The following STAG1 variants were observed in gnomAD, a reference collection of about 807,000 sequenced individuals.
STAG1 encodes the protein cohesin subunit SA-1.
Under a neutral mutation model 170.9 loss-of-function variants are expected in STAG1, and 26 were observed. The ratio of observed to expected loss-of-function variants is 0.15; its 90% confidence interval spans 0.11 to 0.21. The LOEUF is 0.21. Among genes scored for constraint, STAG1 ranks in the 10% least tolerant of loss-of-function variants. The probability of loss-of-function intolerance (pLI) is 1.00; values close to 1 mark genes in which losing one functional copy is unlikely to be tolerated. For missense variants in STAG1, 964 were observed against 1,509.5 expected, an observed-to-expected ratio of 0.64 and a Z score of 5.99; for synonymous variants, 514 against 497.7, an observed-to-expected ratio of 1.03 and a Z score of -0.44.
chr3:136,464,420 T>A (rs1311386368), intron 13 of STAG1, among the ~76,000 whole-genome samples: 1 of 144,102 alleles, frequency 6.9e-6, no homozygotes, highest in Admixed American at 7.0e-5. Context: ...CGAAACTCCG[T>A]CTCAAAAAAA....
At chr3:136,738,251 G>A (rs1365077462) in intron 1 of STAG1, among the ~76,000 whole-genome samples, 1 of 151,904 alleles carries the variant, frequency 6.6e-6, no homozygotes, top group Admixed American at 6.6e-5. Context: ...AGCACTCTGG[G>A]AGGCCAAGGC....
In STAG1 at chr3:136,598,100, T is replaced by G. The variant is rs555575902; in HGVS notation, c.297+6209A>C. On this transcript the variant is annotated intron_variant, in intron 4 of 33. Transcript: ENST00000383202. Reference sequence around the variant, plus strand: ...TATCTGGACATTATACTAAAAGATTTTCTAATATTAAACCATCTCGGTATT... The same window carrying G: ...TATCTGGACATTATACTAAAAGATTGTCTAATATTAAACCATCTCGGTATT... Among the ~76,000 whole-genome samples the G allele has an allele frequency of 1.8e-4, 28 of 152,324 alleles. No homozygotes were observed. The South Asian group carries it at 5.6e-3, about 30-fold the overall frequency.
At chr3:136,441,864 T>C (rs2088641939) in intron 15 of STAG1, among the ~76,000 whole-genome samples, 1 of 152,136 alleles carries the variant, frequency 6.6e-6, no homozygotes, top group Admixed American at 6.6e-5. Context: ...TCTGAGGACA[T>C]AAGTAAAAAG....
intron 1 of STAG1, among the ~76,000 whole-genome samples, chr3:136,741,669 C>T (rs1212595716): frequency 6.6e-6 from 1 of 152,124 alleles, no homozygotes; most frequent in Non-Finnish European, 1.5e-5. Flanking sequence ...GGTTTCTCCA[C>T]GTTGGTCACG....
At chr3:136,512,736 T>TAAAA (rs56227319) in intron 7 of STAG1, among the ~76,000 whole-genome samples, 1 of 144,122 alleles carries the variant, frequency 6.9e-6, no homozygotes. Context: ...TGAGGATCTA[T>TAAAA]AAAAAAAAAA....
At chr3:136,642,780 A>C (rs1450406324) in intron 1 of STAG1, among the ~76,000 whole-genome samples, 3 of 152,208 alleles carry the variant, frequency 2.0e-5, no homozygotes, top group African/African-American at 4.8e-5. Flanking sequence ...TGGAAGCTAG[A>C]AGACCACAAT....
rs1189774200 is a variant in STAG1, at chr3:136,405,323, C to G, written c.2197-6494G>C. On this transcript the variant is annotated intron_variant, in intron 21 of 33. Transcript: ENST00000383202. ...GTGGCATGATCTCGGCTCACTGCAA[C>G]CTCCATCTCCCAGGTTCAGTGAATT... Among the ~76,000 whole-genome samples the G allele has an allele frequency of 8.2e-5, 12 of 146,640 alleles. No homozygotes were observed. In the Admixed American group the frequency reaches 8.3e-4, roughly 10 times the overall value.
At chr3:136,471,897 G>T (rs1355015312) in intron 12 of STAG1, among the ~76,000 whole-genome samples, 1 of 152,146 alleles carries the variant, frequency 6.6e-6, no homozygotes, top group Non-Finnish European at 1.5e-5. Context: ...GAATGCAGTG[G>T]CTCCATTACG....
chr3:136,527,646 AG>A (rs113622289), intron 6 of STAG1, among the ~76,000 whole-genome samples: 7 of 152,074 alleles, frequency 4.6e-5, no homozygotes, highest in African/African-American at 1.4e-4. Context: ...GTTCCTTTGG[AG>A]GGGGAGAGGC....
chr3:136,339,956 G>T (rs1231110921), intron 32 of STAG1, among the ~76,000 whole-genome samples: 1 of 152,170 alleles, frequency 6.6e-6, no homozygotes, highest in Non-Finnish European at 1.5e-5. Flanking sequence ...CAGTGACGCT[G>T]AAAGATCTGG....
At chr3:136,674,901 C>G (rs1198092559) in intron 1 of STAG1, among the ~76,000 whole-genome samples, 5 of 152,116 alleles carry the variant, frequency 3.3e-5, no homozygotes, top group Non-Finnish European at 7.4e-5. Flanking sequence ...GAGAACTTTG[C>G]TACTTTCTAG....
intron 4 of STAG1, among the ~76,000 whole-genome samples, chr3:136,598,626 C>T (rs1275034300): frequency 6.6e-6 from 1 of 152,062 alleles, no homozygotes; most frequent in Non-Finnish European, 1.5e-5. Flanking sequence ...CGGGGTTTCA[C>T]TGTGTTACCC....
At chr3:136,705,378 AACACACAC>A (rs3066789) in intron 1 of STAG1, among the ~76,000 whole-genome samples, 36,220 of 143,074 alleles carry the variant, frequency 0.25, 5,320 homozygotes, top group African/African-American at 0.42. Context: ...ATGATCATCA[AACACACAC>A]ACACACACAC....
chr3:136,557,164 G>A (rs990019469), intron 5 of STAG1, among the ~76,000 whole-genome samples: 1 of 152,054 alleles, frequency 6.6e-6, no homozygotes, highest in Non-Finnish European at 1.5e-5. Flanking sequence ...CTAAGCCCAG[G>A]GAGGTTGAGG....
At chr3:136,530,183 T>G (rs1935301487) in intron 6 of STAG1, among the ~76,000 whole-genome samples, 1 of 152,128 alleles carries the variant, frequency 6.6e-6, no homozygotes, top group Admixed American at 6.5e-5. Flanking sequence ...CAATAATAAT[T>G]AATAATTTTT....
At chr3:136,511,241 T>G (rs545681375) in intron 7 of STAG1, among the ~76,000 whole-genome samples, 1 of 152,332 alleles carries the variant, frequency 6.6e-6, no homozygotes, top group East Asian at 1.9e-4. Context: ...ATCTCTTGCC[T>G]TTATGAATTA....
chr3:136,714,963 ATT>A (rs1229503377), intron 1 of STAG1, among the ~76,000 whole-genome samples: 18 of 61,708 alleles, frequency 2.9e-4, no homozygotes, highest in East Asian at 2.2e-3. Context: ...ATATATATAT[ATT>A]TTATATATAT....
chr3:136,681,921 T>A (rs769335402), intron 1 of STAG1, among the ~76,000 whole-genome samples: 19 of 152,162 alleles, frequency 1.2e-4, no homozygotes, highest in Non-Finnish European at 1.8e-4. Flanking sequence ...AATATCATAC[T>A]CAATGTTTAA....
chr3:136,391,558 G>C (rs1365242573), intron 22 of STAG1, among the ~76,000 whole-genome samples: 1 of 151,944 alleles, frequency 6.6e-6, no homozygotes, highest in Non-Finnish European at 1.5e-5. Context: ...TGTATTTTTA[G>C]TAGAGACAGG....
Sources: allele counts gnomAD v4.1 joint callset (sites outside exome capture counted in the v4.1 genomes callset), GRCh38; gene constraint gnomAD v4.1.1; transcripts MANE v1.5; gene names NCBI Gene and HGNC (gene_info 2026-07-23, HGNC 2026-07-21).